The following SLC26A4 variants were observed in gnomAD, a reference collection of about 807,000 sequenced individuals.
SLC26A4 encodes pendrin.
In SLC26A4, 93 loss-of-function variants were observed where a neutral mutation model predicts 90.4. The ratio of observed to expected loss-of-function variants is 1.03; its 90% CI spans 0.87 to 1.22. The LOEUF (loss-of-function observed/expected upper bound fraction) is 1.22, where lower values mean the gene tolerates loss of function less well. Among genes scored for constraint, SLC26A4 ranks in the 50% most tolerant of loss-of-function variants. The pLI is 0.00. For synonymous variants in SLC26A4, 393 were observed against 354.6 expected, an observed-to-expected ratio of 1.11 and a Z score of -1.22; for missense variants, 1,127 against 946.2, an observed-to-expected ratio of 1.19 and a Z score of -2.51.
intron 10 of SLC26A4, among the ~76,000 whole-genome samples, chr7:107,691,526 C>T (rs1381373798): frequency 3.4e-5 from 3 of 87,660 alleles, no homozygotes; most frequent in African/African-American, 1.1e-4. Context: ...CACACACACA[C>T]ACACACACAC....
intron 6 of SLC26A4, 113 bp downstream of exon 6, chr7:107,675,222 T>G: frequency 9.7e-7 from 1 of 1,031,240 alleles, no homozygotes; most frequent in Non-Finnish European, 1.5e-6. Context: ...TCCCAGCACT[T>G]TGGAAGGCCG....
At chr7:107,666,654 G>T (rs994180605) in intron 3 of SLC26A4, among the ~76,000 whole-genome samples, 1 of 152,178 alleles carries the variant, frequency 6.6e-6, no homozygotes, top group African/African-American at 2.4e-5. Context: ...CCAGGTAAAG[G>T]TGCAAAGGCC....
chr7:107,674,035 T>C (rs1313073496), intron 4 of SLC26A4, 129 bp from the exon 5 acceptor site: 2 of 989,184 alleles, frequency 2.0e-6, no homozygotes, highest in East Asian at 2.5e-5. Context: ...CCGGCTCAGC[T>C]TCTTTCGTGA....
intron 6 of SLC26A4, among the ~76,000 whole-genome samples, chr7:107,677,377 G>T (rs959562545): frequency 1.3e-5 from 2 of 152,036 alleles, no homozygotes; most frequent in African/African-American, 4.8e-5. Context: ...GAGCAGTGAG[G>T]ATTGAAAAAG....
At chr7:107,690,673 AG>A (rs1178388618) in intron 10 of SLC26A4, among the ~76,000 whole-genome samples, 7 of 152,176 alleles carry the variant, frequency 4.6e-5, no homozygotes, top group African/African-American at 1.7e-4. Context: ...AACTTCCTCC[AG>A]GGGCGTTTGG....
chr7:107,701,995 C>T lies in SLC26A4; in HGVS notation c.1972C>T (p.Leu658Phe), dbSNP rs1214052486. 3 of 1,614,050 alleles carry T rather than the reference C, an allele frequency of 1.9e-6. No homozygotes were observed. Among genetic ancestry groups the T allele is most frequent in the Non-Finnish European group, 2.5e-6 (3 of 1,179,964 alleles). ...CGTTCCCAAAGTGCCAATCCATAGC[C>T]TTGTGCTTGACTGTGGAGCTATATC... ...VNVPKVPIHSLVLDCGAISFL... is the reference protein window; with the variant it reads ...VNVPKVPIHSFVLDCGAISFL... The change falls in exon 17 of 21, where the codon CTT (leucine) becomes TTT (phenylalanine). Residue 658 changes from leucine (L) to phenylalanine (F), a missense_variant. Transcript: ENST00000644269.
At chr7:107,668,545 C>T (rs566700375) in intron 3 of SLC26A4, among the ~76,000 whole-genome samples, 2 of 152,260 alleles carry the variant, frequency 1.3e-5, no homozygotes, top group East Asian at 1.9e-4. Context: ...AAGACCAGCT[C>T]AGGTTACTGG....
In SLC26A4 at chr7:107,695,995, TG is replaced by T; in HGVS notation, c.1502del (p.Gly501AlafsTer7). 1 of 1,612,820 alleles carries T rather than the reference TG, an allele frequency of 6.2e-7. No homozygotes were observed. Among genetic ancestry groups the T allele is most frequent in the Non-Finnish European group, 8.5e-7 (1 of 1,178,836 alleles). On this transcript the variant is annotated frameshift_variant, in exon 13 of 21. Coordinates refer to ENST00000644269, the MANE Select transcript of SLC26A4 (RefSeq NM_000441.2). LOFTEE classifies it high-confidence loss of function. The stretch of plus-strand genomic sequence containing the variant: ...TGGGGCTGGATCTCGGTTTACTAGC[TG>T]GCCTTATATTTGGACTGTTGACTGT... ...ILGLDLGLLA[G>X]LIFGLLTVVL...
Position 107,715,761 on chromosome 7 carries a change from T to A in SLC26A4, c.*315T>A. The A allele has an allele frequency of 2.4e-6, 1 of 422,480 alleles. No homozygotes were observed. The highest frequency in any genetic ancestry group is 4.3e-6 in the Non-Finnish European group (1 of 231,736). 26.2% of individuals were successfully genotyped at this position (422,480 alleles called of 1,614,324 possible). Reference sequence around the variant, plus strand: ...CATATCTCTGTTCAGTTAGAGTGAGTGCTGACCCAACAGCCTCTGTGGTCA... The same window carrying A: ...CATATCTCTGTTCAGTTAGAGTGAGAGCTGACCCAACAGCCTCTGTGGTCA... On this transcript the variant is annotated 3_prime_UTR_variant, in exon 21 of 21. Coordinates refer to ENST00000644269, the MANE Select transcript of SLC26A4 (RefSeq NM_000441.2).
At chr7:107,679,965 A>ATTATATAATATAATCTTATC (rs1562826985) in intron 6 of SLC26A4, among the ~76,000 whole-genome samples, 2 of 122,902 alleles carry the variant, frequency 1.6e-5, no homozygotes, top group Admixed American at 8.0e-5. Flanking sequence ...ATATAATCTT[A>ATTATATAATATAATCTTATC]TTATATAATA....
intron 3 of SLC26A4, among the ~76,000 whole-genome samples, chr7:107,667,091 A>AG (rs1790736029): frequency 6.6e-6 from 1 of 152,190 alleles, no homozygotes; most frequent in African/African-American, 2.4e-5. Context: ...AGACAGGCTG[A>AG]GGAGCAGGTT....
intron 10 of SLC26A4, among the ~76,000 whole-genome samples, chr7:107,691,622 G>A: frequency 6.6e-6 from 1 of 151,066 alleles, no homozygotes. Context: ...ACAGTGACTT[G>A]CCCAGGGAGG....
Position 107,661,635 on chromosome 7 carries a change from G to A in SLC26A4, c.-3-4G>A. 6.4e-7 allele frequency: 1 copy of A among 1,557,720 alleles called. No homozygotes were observed. Among genetic ancestry groups the A allele is most frequent in the South Asian group, 1.2e-5 (1 of 85,326 alleles). On this transcript the variant is annotated splice_region_variant and splice_polypyrimidine_tract_variant and intron_variant, in intron 1 of 20. Coordinates refer to ENST00000644269, the MANE Select transcript of SLC26A4 (RefSeq NM_000441.2). The surrounding 1 kb of genome is among the most constrained non-coding windows in gnomAD (Gnocchi z 5.1). Reference sequence around the variant, plus strand: ...CTCCCTCCTCGCTGTCCTCTGGCTCGCAGGTCATGGCAGCGCCAGGCGGCA... The same window carrying A: ...CTCCCTCCTCGCTGTCCTCTGGCTCACAGGTCATGGCAGCGCCAGGCGGCA...
In SLC26A4 at chr7:107,717,365, C is replaced by CAAAAAAA. The variant is rs56009300; in HGVS notation, c.*1938_*1944dup. On this transcript the variant is annotated 3_prime_UTR_variant, in exon 21 of 21. Transcript: ENST00000644269. ...TGGGCGACAGAGCAAGACTCCGTCT[C>CAAAAAAA]AAAAAAAAAAAAAAAAAAAAAAAAA... 2.7e-5 allele frequency: 2 copies of CAAAAAAA among 73,560 alleles called. No individual in the cohort carries two copies. Among genetic ancestry groups the CAAAAAAA allele is most frequent in the Non-Finnish European group, 2.4e-5 (1 of 41,290 alleles). 4.6% of individuals were successfully genotyped at this position (73,560 alleles called of 1,614,324 possible).
At chr7:107,708,730 G>A (rs953104624) in intron 18 of SLC26A4, among the ~76,000 whole-genome samples, 2 of 140,106 alleles carry the variant, frequency 1.4e-5, no homozygotes, top group Non-Finnish European at 3.0e-5. Context: ...AAAACTCTGA[G>A]AACATTTTGA....
chr7:107,685,300 A>G (rs958627779), intron 8 of SLC26A4, among the ~76,000 whole-genome samples: 1 of 152,226 alleles, frequency 6.6e-6, no homozygotes, highest in African/African-American at 2.4e-5. Flanking sequence ...TTGGTAGCAC[A>G]GAAGCAATTC....
In SLC26A4 at chr7:107,674,936, T is replaced by G; in HGVS notation, c.601-9T>G. ...ACATTTAATTTTTCTTTCCTTTTCCTTATCGTAGTTGATATTTGGTGGCTT... is the reference window on the plus strand; with the variant it reads ...ACATTTAATTTTTCTTTCCTTTTCCGTATCGTAGTTGATATTTGGTGGCTT... On this transcript the variant is annotated splice_polypyrimidine_tract_variant and intron_variant, in intron 5 of 20. Coordinates refer to ENST00000644269, the MANE Select transcript of SLC26A4 (RefSeq NM_000441.2). 1.2e-6 allele frequency: 2 copies of G among 1,613,756 alleles called. No homozygotes were observed. The highest frequency in any genetic ancestry group is 1.7e-6 in the Non-Finnish European group (2 of 1,179,650).
intron 18 of SLC26A4, 83 bp from the exon 19 acceptor site, chr7:107,709,971 C>A (rs1792135675): frequency 8.5e-7 from 1 of 1,174,374 alleles, no homozygotes; most frequent in Non-Finnish European, 1.3e-6. Context: ...CCAGCCTGGG[C>A]AATAGAATGA....
intron 14 of SLC26A4, among the ~76,000 whole-genome samples, chr7:107,698,669 A>G (rs1330800873): frequency 6.6e-6 from 1 of 152,194 alleles, no homozygotes; most frequent in Admixed American, 6.6e-5. Flanking sequence ...TAAAAATAAT[A>G]GGCAATTTCT....
Sources: allele counts gnomAD v4.1 joint callset (sites outside exome capture counted in the v4.1 genomes callset), GRCh38; gene constraint gnomAD v4.1.1; non-coding constraint Gnocchi (gnomAD v3.1); transcripts MANE v1.5; gene names NCBI Gene and HGNC (gene_info 2026-07-23, HGNC 2026-07-21).